Variants in DLC1 observed in about 807,000 individuals in gnomAD.
The protein encoded by DLC1 is DLC1 Rho GTPase activating protein, also known as rho GTPase-activating protein 7.
A neutral mutation model predicts 140.3 loss-of-function variants in DLC1; 54 were observed. That is an observed-to-expected ratio of 0.38 (90% CI 0.31 to 0.48). The LOEUF is 0.48. DLC1 is among the 20% of genes least tolerant of loss of function. DLC1 has a pLI of 0.96. For synonymous variants in DLC1, 986 were observed against 728.1 expected (o/e 1.35, Z -5.70); for missense variants, 2,536 against 1,907.0 (o/e 1.33, Z -6.14).
intron 2 of DLC1, among the ~76,000 whole-genome samples, chr8:13,471,060 C>A (rs1402609809): frequency 6.6e-6 from 1 of 151,580 alleles, no homozygotes; most frequent in African/African-American, 2.4e-5. Context: ...ACTGCATGTT[C>A]TCAATTATTT....
chr8:13,154,303 G>A lies in DLC1; in HGVS notation c.1349-38646C>T, dbSNP rs139613316. ...CCTGCGGGAGCCCGCTGCGGTGGGG[G>A]CTCAGGAATGGCCGGCTGCAGGTCG... is the stretch of plus-strand genomic sequence containing the variant. On this transcript the variant is annotated intron_variant, in intron 5 of 17. Transcript: ENST00000276297. Among the ~76,000 whole-genome samples the A allele has an allele frequency of 1.1e-3, 163 of 152,324 alleles. 2 individuals are homozygous for A. The East Asian group carries it at 0.028, about 26-fold the overall frequency.
chr8:13,522,412 G>A (rs1206211480), intron 1 of DLC1, among the ~76,000 whole-genome samples: 2 of 152,056 alleles, frequency 1.3e-5, no homozygotes, highest in African/African-American at 4.8e-5. Flanking sequence ...TTCACCTGAG[G>A]TCAGGAGTTC....
chr8:13,584,206 A>T (rs1167758800), intron 1 of DLC1: 1 of 153,210 alleles, frequency 6.5e-6, no homozygotes, highest in African/African-American at 2.4e-5. Flanking sequence ...GACAGTGCGA[A>T]CTGCTGAACT....
At chr8:13,126,318 C>A (rs1049352732) in intron 5 of DLC1, among the ~76,000 whole-genome samples, 7 of 151,522 alleles carry the variant, frequency 4.6e-5, no homozygotes, top group African/African-American at 1.7e-4. Context: ...CAACCTGGGG[C>A]AGGATAAAAA....
At chr8:13,388,876 A>T (rs534543538) in intron 4 of DLC1, among the ~76,000 whole-genome samples, 49 of 152,032 alleles carry the variant, frequency 3.2e-4, no homozygotes, top group African/African-American at 1.2e-3. Flanking sequence ...CATTTTTTTT[A>T]TTGTTCAGTA....
intron 1 of DLC1, among the ~76,000 whole-genome samples, chr8:13,523,968 G>C (rs1056717859): frequency 6.6e-6 from 1 of 151,730 alleles, no homozygotes; most frequent in Non-Finnish European, 1.5e-5. Context: ...AAGTAGGAGA[G>C]AGGGGATGGG....
chr8:13,256,831 T>C lies in DLC1; in HGVS notation c.1348+48438A>G, dbSNP rs181410759. On this transcript the variant is annotated intron_variant, in intron 5 of 17. Coordinates refer to ENST00000276297, the MANE Select transcript of DLC1 (RefSeq NM_182643.3). ...GTGCAGCAAACCACCATGGCACGTG[T>C]ATACCTATGTAACAAACCTGTAAGT... 1.6e-3 allele frequency among the ~76,000 whole-genome samples: 236 copies of C among 147,760 alleles called. 1 individual carries two copies. The highest frequency in any genetic ancestry group is 7.1e-3 in the Middle Eastern group (2 of 282).
At chr8:13,417,015 G>A (rs183486315) in intron 2 of DLC1, among the ~76,000 whole-genome samples, 14 of 152,156 alleles carry the variant, frequency 9.2e-5, no homozygotes, top group East Asian at 5.8e-4. Flanking sequence ...AAATAAGTCC[G>A]AGGATTTCTT....
chr8:13,583,303 T>C (rs569994950), intron 1 of DLC1, among the ~76,000 whole-genome samples: 5 of 152,302 alleles, frequency 3.3e-5, no homozygotes, highest in East Asian at 1.9e-4. Context: ...TCCAAATCCA[T>C]TGGTGTCATC....
intron 4 of DLC1, among the ~76,000 whole-genome samples, chr8:13,321,548 A>G (rs61353187): frequency 0.075 from 10,874 of 145,256 alleles, 276 homozygotes; most frequent in Non-Finnish European, 0.086. Context: ...AAAAAGAAAA[A>G]AAAAAAAAAA....
rs1817353126 is a variant in DLC1, at chr8:13,083,994, T to C, written c.*1817A>G. ...ACAGATATAGAGCAAGTTATAAACC[T>C]CTTCCTTTTATTTATTTTCTTCACT... On this transcript the variant is annotated 3_prime_UTR_variant, in exon 18 of 18. Transcript: ENST00000276297. The C allele has an allele frequency of 2.0e-5, 3 of 152,558 alleles. No homozygotes were observed. The South Asian group carries it at 6.2e-4, about 32-fold the overall frequency. The allele number at this position is 152,558 out of a possible 1,614,324, so 9.5% of individuals were successfully genotyped here. A position where few individuals can be genotyped will look rare whatever the true frequency, so the allele number is the denominator to read the frequency against.
At chr8:13,339,359 G>A (rs999678075) in intron 4 of DLC1, 1 of 152,218 alleles carries the variant, frequency 6.6e-6, no homozygotes, top group South Asian at 2.1e-4. Context: ...GAAGCAATTA[G>A]CAGGGTGCCA....
At chr8:13,347,142 G>T (rs1834377766) in intron 4 of DLC1, among the ~76,000 whole-genome samples, 1 of 152,332 alleles carries the variant, frequency 6.6e-6, no homozygotes, top group Admixed American at 6.5e-5. Flanking sequence ...GGCACCCACT[G>T]TGGGTCACGG....
chr8:13,592,741 C>T (rs1396995615), intron 1 of DLC1, among the ~76,000 whole-genome samples: 1 of 152,088 alleles, frequency 6.6e-6, no homozygotes, highest in Non-Finnish European at 1.5e-5. Context: ...GCAGAGGACA[C>T]TACTGCCCAA....
At chr8:13,465,610 A>G (rs929800286) in intron 2 of DLC1, among the ~76,000 whole-genome samples, 5 of 151,932 alleles carry the variant, frequency 3.3e-5, no homozygotes, top group African/African-American at 7.3e-5. Context: ...GTTTTAAAGG[A>G]CATTCTCATT....
chr8:13,147,119 C>T (rs1208199488), intron 5 of DLC1, among the ~76,000 whole-genome samples: 1 of 152,204 alleles, frequency 6.6e-6, no homozygotes, highest in Admixed American at 6.5e-5. Flanking sequence ...AAAAAATATT[C>T]TTTGTCCTTG....
At chr8:13,278,168 G>A (rs1438826454) in intron 5 of DLC1, among the ~76,000 whole-genome samples, 1 of 152,214 alleles carries the variant, frequency 6.6e-6, no homozygotes, top group Non-Finnish European at 1.5e-5. Context: ...CACAGATTAG[G>A]AGAGAATGCA....
intron 2 of DLC1, among the ~76,000 whole-genome samples, chr8:13,427,944 T>A (rs1396819039): frequency 2.0e-5 from 3 of 152,208 alleles, no homozygotes; most frequent in East Asian, 1.9e-4. Context: ...ACACTCTGAC[T>A]GCTTGACCAT....
rs1201439273 is a variant in DLC1, at chr8:13,094,060, T to G, written c.3526+699A>C. Among the ~76,000 whole-genome samples the G allele has an allele frequency of 6.6e-5, 10 of 152,208 alleles. No homozygotes were observed. In the East Asian group the frequency reaches 1.9e-3, roughly 29 times the overall value. On this transcript the variant is annotated intron_variant, in intron 12 of 17. Transcript: ENST00000276297. ...AAAACACACAGACACCTGTGAAATT[T>G]TAAATCCAACGGCCCTCCAAGAGGG...
Sources: allele counts gnomAD v4.1 joint callset (sites outside exome capture counted in the v4.1 genomes callset), GRCh38; gene constraint gnomAD v4.1.1; transcripts MANE v1.5; gene names NCBI Gene and HGNC (gene_info 2026-07-23, HGNC 2026-07-21).